The following DLGAP4 variants were observed in gnomAD, a reference collection of about 807,000 sequenced individuals.
DLGAP4 encodes the protein DLG associated protein 4, also known as disks large-associated protein 4.
A neutral mutation model predicts 86.9 loss-of-function variants in DLGAP4; 18 were observed. That is an observed-to-expected ratio of 0.21 (90% CI 0.14 to 0.31). The LOEUF (loss-of-function observed/expected upper bound fraction) is 0.31. Ranked by LOEUF, DLGAP4 falls within the 10% of genes least tolerant of loss-of-function variation. The pLI is 1.00. For missense variants in DLGAP4, 1,085 were observed against 1,362.6 expected (o/e 0.80, Z 3.21); for synonymous variants, 548 against 574.3 (o/e 0.95, Z 0.65).
intron 1 of DLGAP4, among the ~76,000 whole-genome samples, chr20:36,346,829 T>C (rs6129195): frequency 0.42 from 63,956 of 151,922 alleles, 13,634 homozygotes; most frequent in East Asian, 0.62. Context: ...ATCTGTTTCT[T>C]ATGAAGTGAA....
At chr20:36,415,771 C>T (rs1470083339) in intron 2 of DLGAP4, among the ~76,000 whole-genome samples, 1 of 152,166 alleles carries the variant, frequency 6.6e-6, no homozygotes, top group Non-Finnish European at 1.5e-5. Flanking sequence ...GGGGCAGGCT[C>T]CTACTCAACC....
At chr20:36,390,131 A>G (rs550939453) in intron 2 of DLGAP4, among the ~76,000 whole-genome samples, 38 of 152,316 alleles carry the variant, frequency 2.5e-4, no homozygotes, top group Non-Finnish European at 4.6e-4. Context: ...CAGCTGGGAG[A>G]AGACATCACA....
chr20:36,339,419 T>G (rs909774290), intron 1 of DLGAP4, among the ~76,000 whole-genome samples: 3 of 149,500 alleles, frequency 2.0e-5, no homozygotes, highest in African/African-American at 7.4e-5. Context: ...GCAAGGTCTC[T>G]GTCTGTAGCC....
chr20:36,428,614 C>A (rs1258301888), intron 2 of DLGAP4, among the ~76,000 whole-genome samples: 1 of 152,218 alleles, frequency 6.6e-6, no homozygotes, highest in Non-Finnish European at 1.5e-5. Context: ...CCCACACTGT[C>A]CCCTTTCTTT....
intron 1 of DLGAP4, among the ~76,000 whole-genome samples, chr20:36,343,466 C>G (rs12481235): frequency 7.4e-4 from 112 of 152,152 alleles, no homozygotes; most frequent in African/African-American, 2.6e-3. Context: ...ATGATGTGCT[C>G]AAGGTCACCC....
chr20:36,495,603 G>C (rs933255137), intron 7 of DLGAP4, among the ~76,000 whole-genome samples: 28 of 152,190 alleles, frequency 1.8e-4, no homozygotes, highest in Non-Finnish European at 2.8e-4. Flanking sequence ...GTGGGCCTTT[G>C]GTGTTCTGGG....
At chr20:36,312,801 G>C (rs1262989318) in intron 1 of DLGAP4, among the ~76,000 whole-genome samples, 2 of 152,166 alleles carry the variant, frequency 1.3e-5, no homozygotes, top group Non-Finnish European at 2.9e-5. Context: ...TCTTCCTGCA[G>C]TGACAGATAA....
chr20:36,444,799 C>T (rs1356508474), intron 6 of DLGAP4, among the ~76,000 whole-genome samples: 1 of 151,982 alleles, frequency 6.6e-6, no homozygotes, highest in Non-Finnish European at 1.5e-5. Context: ...TGCCACCACG[C>T]TCGGCCAATT....
intron 1 of DLGAP4, among the ~76,000 whole-genome samples, chr20:36,344,955 C>T (rs1050981782): frequency 2.3e-4 from 35 of 152,224 alleles, no homozygotes; most frequent in African/African-American, 7.7e-4. Flanking sequence ...CCACACCCCT[C>T]CTGGGCCTTG....
chr20:36,352,792 C>T lies in DLGAP4; in HGVS notation c.-303-14253C>T, dbSNP rs375015722. Among the ~76,000 whole-genome samples, 36 of 151,432 alleles carry T rather than the reference C, an allele frequency of 2.4e-4. No homozygotes were observed. In the East Asian group the frequency reaches 4.5e-3, roughly 19 times the overall value. The stretch of plus-strand genomic sequence containing the variant: ...GAGCAGGATAGGAGGCTGGAAGGGT[C>T]GCCAGGGAGTGAGAGCTGGGGTCTC... On this transcript the variant is annotated intron_variant, in intron 1 of 12. Transcript: ENST00000339266.
chr20:36,439,161 T>C (rs928796120), intron 4 of DLGAP4, among the ~76,000 whole-genome samples: 2 of 152,292 alleles, frequency 1.3e-5, no homozygotes, highest in Admixed American at 6.5e-5. Flanking sequence ...TGATATCCTT[T>C]AATCTGCACC....
chr20:36,465,617 C>T (rs560516583), intron 7 of DLGAP4, among the ~76,000 whole-genome samples: 8 of 152,260 alleles, frequency 5.3e-5, no homozygotes, highest in African/African-American at 1.9e-4. Flanking sequence ...TAAAAGGAGG[C>T]TATCTGGAGG....
intron 1 of DLGAP4, among the ~76,000 whole-genome samples, chr20:36,335,603 T>G (rs911770966): frequency 2.0e-5 from 3 of 152,208 alleles, no homozygotes; most frequent in Non-Finnish European, 2.9e-5. Context: ...ACACAGCTGC[T>G]CCGGACACAT....
At position 36,499,691 on chromosome 20, in the gene DLGAP4, G is replaced by C. The variant is rs778117366; in HGVS notation, c.2099+15G>C. The stretch of plus-strand genomic sequence containing the variant: ...GACGACTGGCGGTAAGTCGGACAGA[G>C]GTGGCGGCTGCTTCTCCCCTCTCCT... On this transcript the variant is annotated intron_variant, in intron 9 of 12. Coordinates refer to ENST00000339266, the MANE Select transcript of DLGAP4 (RefSeq NM_001365621.2). 1 of 1,609,568 alleles carries C rather than the reference G, an allele frequency of 6.2e-7. No individual in the cohort carries two copies. The highest frequency in any genetic ancestry group is 8.5e-7 in the Non-Finnish European group (1 of 1,177,694).
chr20:36,516,666 A>AG (rs1444616119), intron 10 of DLGAP4, among the ~76,000 whole-genome samples: 9 of 144,578 alleles, frequency 6.2e-5, no homozygotes, highest in Non-Finnish European at 1.1e-4. Flanking sequence ...ACTCCGTCTC[A>AG]GGAAAAAAAA....
intron 1 of DLGAP4, among the ~76,000 whole-genome samples, chr20:36,315,351 C>A (rs898747181): frequency 6.6e-6 from 1 of 151,846 alleles, no homozygotes; most frequent in Non-Finnish European, 1.5e-5. Context: ...GGGTGTGGTG[C>A]GGTGCGGGGA....
At position 36,431,926 on chromosome 20, in the gene DLGAP4, C is replaced by A. The variant is rs773493095; in HGVS notation, c.209C>A (p.Thr70Asn). The A allele has an allele frequency of 9.9e-6, 16 of 1,614,230 alleles. No homozygotes were observed. The highest frequency in any genetic ancestry group is 1.4e-5 in the Non-Finnish European group (16 of 1,180,038). The change falls in exon 3 of 13, where the codon ACC (threonine) becomes AAC (asparagine). Residue 70 changes from threonine to asparagine, a missense_variant. Coordinates refer to ENST00000339266, the MANE Select transcript of DLGAP4 (RefSeq NM_001365621.2). The surrounding 1 kb of genome is among the most constrained non-coding windows in gnomAD (Gnocchi z 5.1). ...LNNQLPPPSS[T>N]FPRIHYNSHF... ...AACCAGCTGCCCCCGCCCAGCAGCA[C>A]CTTTCCCCGCATCCACTACAACTCC... is the stretch of plus-strand genomic sequence containing the variant.
chr20:36,441,852 C>A (rs1033785966), intron 5 of DLGAP4, among the ~76,000 whole-genome samples: 1 of 152,168 alleles, frequency 6.6e-6, no homozygotes, highest in Non-Finnish European at 1.5e-5. Flanking sequence ...CCATCTCCAC[C>A]CCCGCCTGGG....
At chr20:36,453,299 T>C (rs980244915) in intron 7 of DLGAP4, among the ~76,000 whole-genome samples, 1 of 151,814 alleles carries the variant, frequency 6.6e-6, no homozygotes, top group Non-Finnish European at 1.5e-5. Context: ...CTACAAAAAA[T>C]TTTTTTTTAG....
Sources: gnomAD v4.1 joint callset for allele counts (sites outside exome capture counted in the v4.1 genomes callset) on GRCh38, gnomAD v4.1.1 for gene constraint, Gnocchi (gnomAD v3.1) non-coding constraint, MANE v1.5 for transcripts, NCBI Gene and HGNC (gene_info 2026-07-23, HGNC 2026-07-21) for gene names.